ARHGAP24: variants seen among roughly 807,000 people sequenced by gnomAD.
ARHGAP24 encodes the protein Rho GTPase activating protein 24.
ARHGAP24 carries 50 observed loss-of-function variants against 76.4 expected under a neutral mutation model. The observed-to-expected ratio is 0.65, with a 90% CI of 0.52 to 0.83. The LOEUF (loss-of-function observed/expected upper bound fraction) is 0.83, where lower values mean the gene tolerates loss of function less well. Ranked by LOEUF, ARHGAP24 falls within the 40% of genes least tolerant of loss-of-function variation. The probability of loss-of-function intolerance (pLI) is 0.00; values close to 1 mark genes in which losing one functional copy is unlikely to be tolerated. For missense variants in ARHGAP24, 930 were observed against 914.2 expected (o/e 1.02, Z -0.22); for synonymous variants, 345 against 323.3 (o/e 1.07, Z -0.72).
intron 2 of ARHGAP24, among the ~76,000 whole-genome samples, chr4:85,627,517 G>C (rs186290623): frequency 2.6e-5 from 4 of 152,330 alleles, no homozygotes; most frequent in Non-Finnish European, 5.9e-5. Flanking sequence ...CTCCTCAGTG[G>C]TCAGGGAGCC....
At chr4:85,530,754 G>C (rs552456407) in intron 1 of ARHGAP24, among the ~76,000 whole-genome samples, 19 of 152,040 alleles carry the variant, frequency 1.2e-4, no homozygotes, top group African/African-American at 4.3e-4. Context: ...AGTTTTTTCT[G>C]TCTGAATAGT....
chr4:85,860,956 T>A lies in ARHGAP24; in HGVS notation c.269-62692T>A, dbSNP rs181790565. On this transcript the variant is annotated intron_variant, in intron 3 of 9. Transcript: ENST00000395184. The stretch of plus-strand genomic sequence containing the variant: ...TAATATCTATCTTCTCCCTTTAGAT[T>A]TTCTCAGTCCCTTATAAGAACATAT... Among the ~76,000 whole-genome samples the A allele has an allele frequency of 7.2e-5, 11 of 151,836 alleles. No individual in the cohort carries two copies. In the East Asian group the frequency reaches 2.1e-3, roughly 29 times the overall value.
At chr4:85,757,572 T>A (rs1726557353) in intron 3 of ARHGAP24, among the ~76,000 whole-genome samples, 1 of 152,186 alleles carries the variant, frequency 6.6e-6, no homozygotes, top group South Asian at 2.1e-4. Context: ...CTGCATAGTA[T>A]TCCATGGTGT....
At chr4:85,504,206 G>T (rs1723940030) in intron 1 of ARHGAP24, among the ~76,000 whole-genome samples, 1 of 152,202 alleles carries the variant, frequency 6.6e-6, no homozygotes, top group African/African-American at 2.4e-5. Context: ...GATTTAGGGT[G>T]GAGAGTTCTG....
intron 3 of ARHGAP24, among the ~76,000 whole-genome samples, chr4:85,863,877 G>T (rs1189442444): frequency 6.6e-6 from 1 of 152,050 alleles, no homozygotes; most frequent in African/African-American, 2.4e-5. Flanking sequence ...ACAAAGGAAG[G>T]TGTCTCCAAG....
At chr4:85,807,359 A>G (rs924146927) in intron 3 of ARHGAP24, among the ~76,000 whole-genome samples, 1 of 150,392 alleles carries the variant, frequency 6.6e-6, no homozygotes, top group Non-Finnish European at 1.5e-5. Context: ...AACATGTGGT[A>G]TTTGGTTTTC....
intron 3 of ARHGAP24, among the ~76,000 whole-genome samples, chr4:85,867,794 T>G (rs1341351159): frequency 6.7e-6 from 1 of 149,668 alleles, no homozygotes; most frequent in Non-Finnish European, 1.5e-5. Flanking sequence ...AGATTATTTT[T>G]GCCTGATAAT....
intron 3 of ARHGAP24, among the ~76,000 whole-genome samples, chr4:85,874,710 G>A (rs1268112374): frequency 9.6e-5 from 14 of 145,224 alleles, no homozygotes; most frequent in African/African-American, 3.6e-4. Context: ...AATAATAATT[G>A]TATTTGTGAA....
At chr4:85,616,709 C>T (rs930187792) in intron 2 of ARHGAP24, among the ~76,000 whole-genome samples, 1 of 152,170 alleles carries the variant, frequency 6.6e-6, no homozygotes, top group Non-Finnish European at 1.5e-5. Flanking sequence ...CTCACTGGAA[C>T]CTGCACTTCC....
intron 2 of ARHGAP24, among the ~76,000 whole-genome samples, chr4:85,662,249 G>A (rs527653262): frequency 2.9e-3 from 436 of 152,208 alleles, no homozygotes; most frequent in Non-Finnish European, 4.5e-3. Context: ...GTTTTGATTT[G>A]CATTTCTCTG....
intron 2 of ARHGAP24, among the ~76,000 whole-genome samples, chr4:85,624,232 T>C (rs1415937380): frequency 6.6e-6 from 1 of 152,168 alleles, no homozygotes; most frequent in Admixed American, 6.5e-5. Flanking sequence ...TTGTCATAGA[T>C]AGCTCTTATT....
chr4:85,778,230 T>C (rs1727379413), intron 3 of ARHGAP24, among the ~76,000 whole-genome samples: 2 of 152,220 alleles, frequency 1.3e-5, no homozygotes, highest in South Asian at 4.1e-4. Flanking sequence ...TATTTCCTAA[T>C]ATACAAAGAA....
At chr4:85,995,732 G>T in intron 9 of ARHGAP24, 75 bp downstream of exon 9, 1 of 1,402,936 alleles carries the variant, frequency 7.1e-7, no homozygotes, top group Non-Finnish European at 1.0e-6. Flanking sequence ...ATCACACTGA[G>T]GGTGACATAT....
At chr4:85,664,043 T>C (rs1198782748) in intron 2 of ARHGAP24, among the ~76,000 whole-genome samples, 1 of 151,130 alleles carries the variant, frequency 6.6e-6, no homozygotes, top group Non-Finnish European at 1.5e-5. Flanking sequence ...TAAAATGAGT[T>C]AGGGAGGATT....
intron 4 of ARHGAP24, among the ~76,000 whole-genome samples, chr4:85,938,904 G>A (rs1578410365): frequency 1.3e-5 from 2 of 151,982 alleles, no homozygotes; most frequent in South Asian, 2.1e-4. Flanking sequence ...AATGTGATGG[G>A]AGGAATTGAG....
At chr4:85,607,799 C>CG (rs1353277629) in intron 2 of ARHGAP24, among the ~76,000 whole-genome samples, 2 of 135,618 alleles carry the variant, frequency 1.5e-5, no homozygotes, top group Non-Finnish European at 1.6e-5. Flanking sequence ...GCCATAGCTA[C>CG]GCCGTGCCAA....
At chr4:85,895,000 G>GAAAAAAAAAAAAAAAAAA (rs1560701790) in intron 3 of ARHGAP24, among the ~76,000 whole-genome samples, 2 of 47,992 alleles carry the variant, frequency 4.2e-5, no homozygotes, top group African/African-American at 7.5e-5. Context: ...AAAACAAAAA[G>GAAAAAAAAAAAAAAAAAA]CAAAAAAAAA....
chr4:85,564,136 A>G (rs1726709932), intron 1 of ARHGAP24, among the ~76,000 whole-genome samples: 1 of 152,166 alleles, frequency 6.6e-6, no homozygotes, highest in Non-Finnish European at 1.5e-5. Context: ...TTCCAGTGCC[A>G]TGGCACTGAG....
At chr4:85,973,825 T>G (rs1425853355) in intron 6 of ARHGAP24, among the ~76,000 whole-genome samples, 1 of 137,328 alleles carries the variant, frequency 7.3e-6, no homozygotes, top group Non-Finnish European at 1.5e-5. Context: ...CAAAAACTGC[T>G]GCCTATTGTT....
Sources: gnomAD v4.1 joint callset for allele counts (sites outside exome capture counted in the v4.1 genomes callset) on GRCh38, gnomAD v4.1.1 for gene constraint, MANE v1.5 for transcripts, NCBI Gene and HGNC (gene_info 2026-07-23, HGNC 2026-07-21) for gene names.